PLEKHA8: variants seen among roughly 807,000 people sequenced by gnomAD.
The protein encoded by PLEKHA8 is pleckstrin homology domain containing A8.
Under a neutral mutation model 68.2 loss-of-function variants are expected in PLEKHA8, and 36 were observed. That is an observed-to-expected ratio of 0.53 (90% CI 0.40 to 0.70). The LOEUF (loss-of-function observed/expected upper bound fraction) is 0.70. PLEKHA8 is among the 30% of genes least tolerant of loss of function. The pLI is 0.00. For synonymous variants in PLEKHA8, 211 were observed against 216.1 expected, an observed-to-expected ratio of 0.98 and a Z score of 0.20; for missense variants, 505 against 615.4, an observed-to-expected ratio of 0.82 and a Z score of 1.90.
chr7:30,101,349 T>C (rs557772147), intron 13 of PLEKHA8, among the ~76,000 whole-genome samples: 4 of 152,312 alleles, frequency 2.6e-5, no homozygotes, highest in East Asian at 1.9e-4. Context: ...GGGTAGCTTA[T>C]GAACAACGGG....
intron 7 of PLEKHA8, among the ~76,000 whole-genome samples, chr7:30,053,959 C>T (rs1792619847): frequency 6.6e-6 from 1 of 152,184 alleles, no homozygotes; most frequent in African/African-American, 2.4e-5. Context: ...GATTCATTAA[C>T]ATTGAACTCA....
intron 13 of PLEKHA8, among the ~76,000 whole-genome samples, chr7:30,108,229 A>G (rs975464279): frequency 2.0e-5 from 3 of 152,166 alleles, no homozygotes; most frequent in African/African-American, 7.2e-5. Context: ...TATTTTTAAT[A>G]GACATTTCTG....
chr7:30,092,873 T>C (rs138459642), downstream of PLEKHA8, among the ~76,000 whole-genome samples: 12 of 152,320 alleles, frequency 7.9e-5, no homozygotes, highest in African/African-American at 2.4e-4. Flanking sequence ...GATACGACAT[T>C]TAGTCCTGAA....
chr7:30,090,711 TA>T, exon 13 of PLEKHA8: 1 of 681,386 alleles, frequency 1.5e-6, no homozygotes, highest in Non-Finnish European at 1.8e-6. Flanking sequence ...AATTTTTTGG[TA>T]ATCTTTTAAA....
At chr7:30,041,845 CTG>C (rs1325184435) in intron 1 of PLEKHA8, among the ~76,000 whole-genome samples, 2 of 151,864 alleles carry the variant, frequency 1.3e-5, no homozygotes, top group African/African-American at 4.8e-5. Flanking sequence ...TTCAACAACT[CTG>C]AAATCAAGAA....
intron 13 of PLEKHA8, among the ~76,000 whole-genome samples, chr7:30,096,575 G>C (rs181397928): frequency 5.4e-4 from 83 of 152,302 alleles, no homozygotes; most frequent in Admixed American, 1.1e-3. Flanking sequence ...AATAGGAGTG[G>C]TGAGAGAGGG....
At chr7:30,129,214 A>G in intron 13 of PLEKHA8, 1 of 1,612,472 alleles carries the variant, frequency 6.2e-7, no homozygotes, top group Non-Finnish European at 8.5e-7. Context: ...CTAAAAGAGT[A>G]ATGACAGTTG....
downstream of PLEKHA8, among the ~76,000 whole-genome samples, chr7:30,092,437 C>G (rs189333343): frequency 7.0e-3 from 1,061 of 152,052 alleles, 44 homozygotes; most frequent in Admixed American, 0.064. Flanking sequence ...AGTAGAAGAC[C>G]CTCATCTAGT....
chr7:30,033,894 ATGT>A (rs1374694404), intron 1 of PLEKHA8, among the ~76,000 whole-genome samples: 3 of 149,998 alleles, frequency 2.0e-5, no homozygotes, highest in Non-Finnish European at 4.4e-5. Context: ...TGACTTAATG[ATGT>A]TGATTATCTT....
At chr7:30,043,478 A>G (rs1031806727) in intron 1 of PLEKHA8, among the ~76,000 whole-genome samples, 1 of 152,182 alleles carries the variant, frequency 6.6e-6, no homozygotes, top group African/African-American at 2.4e-5. Flanking sequence ...ATAGTTTAAG[A>G]AAAGATTACT....
intron 7 of PLEKHA8, among the ~76,000 whole-genome samples, chr7:30,053,599 G>A (rs1245135550): frequency 2.6e-5 from 4 of 152,138 alleles, no homozygotes; most frequent in Non-Finnish European, 4.4e-5. Context: ...TATCTCTTGG[G>A]TAAATAATAA....
intron 1 of PLEKHA8, among the ~76,000 whole-genome samples, chr7:30,042,089 A>C (rs1348189990): frequency 6.6e-6 from 1 of 152,244 alleles, no homozygotes; most frequent in African/African-American, 2.4e-5. Context: ...TGAAGAGAAC[A>C]AAAAGACTGA....
rs1286729267 is a variant in PLEKHA8 at position 30,074,104 on chromosome 7, A to G, written c.1334A>G (p.His445Arg). 6.2e-7 allele frequency: 1 copy of G among 1,613,180 alleles called. No individual in the cohort carries two copies. The highest frequency in any genetic ancestry group is 8.5e-7 in the Non-Finnish European group (1 of 1,179,384). The change falls in exon 13 of 14, where the codon CAT becomes CGT. Residue 445 changes from histidine to arginine, a missense_variant. Transcript: ENST00000449726. ...TATGGTAAAACATTGCGGCAACACC[A>G]TGGCTGGGTAGTTCGAGGGGTTTTT... The part of the protein sequence containing the change: ...NAYGKTLRQH[H>R]GWVVRGVFAL...
At chr7:30,060,566 G>A (rs1422394155) in intron 9 of PLEKHA8, among the ~76,000 whole-genome samples, 3 of 152,166 alleles carry the variant, frequency 2.0e-5, no homozygotes, top group African/African-American at 7.2e-5. Flanking sequence ...CACGCTGCAA[G>A]TACTAACTAG....
chr7:30,087,679 G>A (rs772327316), downstream of PLEKHA8, among the ~76,000 whole-genome samples: 1 of 152,144 alleles, frequency 6.6e-6, no homozygotes, highest in Non-Finnish European at 1.5e-5. Context: ...ACCTGTCATG[G>A]CCTTCCAAAC....
intron 13 of PLEKHA8, among the ~76,000 whole-genome samples, chr7:30,122,269 A>G (rs1293403634): frequency 6.6e-6 from 1 of 152,198 alleles, no homozygotes; most frequent in African/African-American, 2.4e-5. Context: ...TGCCAAATAT[A>G]CATAGATCAT....
chr7:30,105,854 G>T (rs998913237), intron 13 of PLEKHA8, among the ~76,000 whole-genome samples: 3 of 152,102 alleles, frequency 2.0e-5, no homozygotes, highest in African/African-American at 7.2e-5. Flanking sequence ...GCTTTTCTTA[G>T]ATGGTGGTTT....
At chr7:30,068,690 G>C (rs1290596032) in intron 12 of PLEKHA8, among the ~76,000 whole-genome samples, 1 of 152,036 alleles carries the variant, frequency 6.6e-6, no homozygotes, top group African/African-American at 2.4e-5. Context: ...GCTTGCGTTT[G>C]CTCTTTATCT....
intron 1 of PLEKHA8, among the ~76,000 whole-genome samples, chr7:30,029,630 A>G (rs1790502849): frequency 6.6e-6 from 1 of 152,224 alleles, no homozygotes; most frequent in African/African-American, 2.4e-5. Flanking sequence ...TGTGCTAGCC[A>G]CTTTTTTGGA....
Sources: allele counts gnomAD v4.1 joint callset (sites outside exome capture counted in the v4.1 genomes callset), GRCh38; gene constraint gnomAD v4.1.1; transcripts MANE v1.5; gene names NCBI Gene and HGNC (gene_info 2026-07-23, HGNC 2026-07-21).